KPNA6: variants seen among roughly 807,000 people sequenced by gnomAD.
The protein encoded by KPNA6 is importin subunit alpha-7.
Under a neutral mutation model 72.0 loss-of-function variants are expected in KPNA6, and 9 were observed. The observed-to-expected ratio is 0.13, with a 90% confidence interval of 0.08 to 0.22. KPNA6 has a LOEUF of 0.22. Among genes scored for constraint, KPNA6 ranks in the 10% least tolerant of loss-of-function variants. The probability of loss-of-function intolerance (pLI) is 1.00; values close to 1 mark genes in which losing one functional copy is unlikely to be tolerated. For synonymous variants in KPNA6, 219 were observed against 242.1 expected (o/e 0.90, Z 0.89); for missense variants, 374 against 655.7 (o/e 0.57, Z 4.69).
intron 1 of KPNA6, among the ~76,000 whole-genome samples, chr1:32,150,306 T>A (rs1231360524): frequency 6.6e-6 from 1 of 151,804 alleles, no homozygotes; most frequent in East Asian, 1.9e-4. Flanking sequence ...CTAATTTTTA[T>A]ATTTTTAGTA....
chr1:32,124,754 G>T (rs1347308156), intron 1 of KPNA6, among the ~76,000 whole-genome samples: 2 of 151,334 alleles, frequency 1.3e-5, no homozygotes, highest in Non-Finnish European at 2.9e-5. Context: ...CAATCCTTCC[G>T]CCTTGGCCTC....
At chr1:32,141,211 A>G (rs572892393) in intron 1 of KPNA6, among the ~76,000 whole-genome samples, 1 of 151,974 alleles carries the variant, frequency 6.6e-6, no homozygotes, top group Non-Finnish European at 1.5e-5. Context: ...GGGAGGCTCA[A>G]CAGTCAATTG....
intron 1 of KPNA6, among the ~76,000 whole-genome samples, chr1:32,113,909 T>C (rs1641282603): frequency 6.6e-6 from 1 of 152,240 alleles, no homozygotes; most frequent in South Asian, 2.1e-4. Context: ...TTTTCACTTC[T>C]AGTTATCTTG....
intron 1 of KPNA6, among the ~76,000 whole-genome samples, chr1:32,139,996 A>C (rs1641809735): frequency 6.6e-6 from 1 of 152,222 alleles, no homozygotes; most frequent in African/African-American, 2.4e-5. Context: ...AAAAACCCAG[A>C]TATAAAGGAT....
At chr1:32,108,404 C>G (rs1569975392) in intron 1 of KPNA6, among the ~76,000 whole-genome samples, 1 of 152,222 alleles carries the variant, frequency 6.6e-6, no homozygotes, top group Non-Finnish European at 1.5e-5. Flanking sequence ...CCCACGTGTT[C>G]CTGGGAGGTA....
intron 8 of KPNA6, 56 bp from the exon 9 acceptor site, chr1:32,162,305 A>T: frequency 6.7e-7 from 1 of 1,492,026 alleles, no homozygotes; most frequent in Non-Finnish European, 9.0e-7. Context: ...AGGGTTCGTG[A>T]TAGAGCTGAT....
chr1:32,170,535 G>A (rs1349921394), intron 13 of KPNA6, among the ~76,000 whole-genome samples, 172 bp from the exon 14 acceptor site: 1 of 152,138 alleles, frequency 6.6e-6, no homozygotes, highest in Admixed American at 6.6e-5. Flanking sequence ...TTGGGATTCT[G>A]TAGTTTTGAG....
Position 32,170,771 on chromosome 1 carries a change from C to T in KPNA6, c.1488C>T (p.Asp496=). 6.2e-7 allele frequency: 1 copy of T among 1,614,234 alleles called. No individual in the cohort carries two copies. Among genetic ancestry groups the T allele is most frequent in the Non-Finnish European group, 8.5e-7 (1 of 1,180,032 alleles). The change falls in exon 14 of 14, where the codon GAC becomes GAT. Residue 496 remains aspartate (D), a synonymous_variant. Coordinates refer to ENST00000373625, the MANE Select transcript of KPNA6 (RefSeq NM_012316.5). The stretch of plus-strand genomic sequence containing the variant: ...AGGAGATCTACCAGAAGGCCTTCGA[C>T]CTCATTGAGCACTACTTTGGTGTAG... ...ENQEIYQKAF[D]LIEHYFGVED...
At position 32,135,357 on chromosome 1, in the gene KPNA6, G is replaced by A. The variant is rs377264659; in HGVS notation, c.5-19231G>A. Among the ~76,000 whole-genome samples, 144 of 151,494 alleles carry A rather than the reference G, an allele frequency of 9.5e-4. 1 individual carries two copies. Among genetic ancestry groups the A allele is most frequent in the African/African-American group, 2.9e-3 (119 of 41,308 alleles). Reference sequence around the variant, plus strand: ...TCTGGGATTACATGTGTGAGCCACCGCGCCTGGCCAATTTATTTTTAGTAG... The same window carrying A: ...TCTGGGATTACATGTGTGAGCCACCACGCCTGGCCAATTTATTTTTAGTAG... On this transcript the variant is annotated intron_variant, in intron 1 of 13. Transcript: ENST00000373625.
rs569038637 is a variant in KPNA6, at chr1:32,122,911, C to A, written c.4+14777C>A. On this transcript the variant is annotated intron_variant, in intron 1 of 13. Coordinates refer to ENST00000373625, the MANE Select transcript of KPNA6 (RefSeq NM_012316.5). ...GGCAGAGGTTGCAGTGAGCCGAGATCGTGCCATTGCACTCCAGCCTGGGCA... is the reference window on the plus strand; with the variant it reads ...GGCAGAGGTTGCAGTGAGCCGAGATAGTGCCATTGCACTCCAGCCTGGGCA... Among the ~76,000 whole-genome samples, 195 of 147,822 alleles carry A rather than the reference C, an allele frequency of 1.3e-3. 2 individuals are homozygous for A. Among genetic ancestry groups the A allele is most frequent in the East Asian group, 1.2e-3 (6 of 5,046 alleles).
At chr1:32,121,641 A>C (rs573239818) in intron 1 of KPNA6, among the ~76,000 whole-genome samples, 1 of 152,292 alleles carries the variant, frequency 6.6e-6, no homozygotes, top group East Asian at 1.9e-4. Context: ...CATCAGTCAG[A>C]ATTAAAAGAA....
intron 1 of KPNA6, among the ~76,000 whole-genome samples, chr1:32,150,916 C>T (rs371036331): frequency 2.0e-5 from 3 of 151,910 alleles, no homozygotes; most frequent in Non-Finnish European, 4.4e-5. Context: ...TGAGCCACCA[C>T]GCCCCGGCTG....
intron 12 of KPNA6, among the ~76,000 whole-genome samples, chr1:32,167,803 G>A (rs1642365862): frequency 1.3e-5 from 2 of 150,634 alleles, no homozygotes; most frequent in South Asian, 2.1e-4. Context: ...GCAGTGAGCT[G>A]TGATTGTACC....
intron 12 of KPNA6, among the ~76,000 whole-genome samples, chr1:32,167,671 C>T (rs1403835102): frequency 1.3e-5 from 2 of 152,092 alleles, no homozygotes; most frequent in Non-Finnish European, 2.9e-5. Context: ...ACAGTTTCTT[C>T]AGCCTGACCA....
chr1:32,149,906 A>C (rs1020171650), intron 1 of KPNA6, among the ~76,000 whole-genome samples: 3 of 152,084 alleles, frequency 2.0e-5, no homozygotes, highest in Admixed American at 1.3e-4. Context: ...GAACATTAAA[A>C]ATGTTTTGTT....
intron 1 of KPNA6, among the ~76,000 whole-genome samples, chr1:32,123,913 A>T (rs1376200011): frequency 2.0e-5 from 3 of 151,268 alleles, no homozygotes; most frequent in African/African-American, 7.3e-5. Flanking sequence ...GTGCACCAGT[A>T]GTCCCAGCTA....
intron 4 of KPNA6, 78 bp downstream of exon 4, chr1:32,157,523 C>A: frequency 9.9e-7 from 1 of 1,005,608 alleles, no homozygotes; most frequent in Non-Finnish European, 1.5e-6. Flanking sequence ...TCAACTTACA[C>A]GTGCCCTCAC....
rs71006334 is a variant in KPNA6, at chr1:32,141,375, C to CTTTTTT, written c.5-13178_5-13173dup. Among the ~76,000 whole-genome samples, 121 of 54,452 alleles carry CTTTTTT rather than the reference C, an allele frequency of 2.2e-3. 39 individuals are homozygous for CTTTTTT. Among genetic ancestry groups the CTTTTTT allele is most frequent in the Non-Finnish European group, 3.3e-3 (82 of 25,154 alleles). 35.7% of individuals were successfully genotyped at this position (54,452 alleles called of 152,430 possible). A position where few individuals can be genotyped will look rare whatever the true frequency, so the allele number is the denominator to read the frequency against. ...AGGGCTTTTTTTTTTTAAGTTAATCCTTTTTTTTTTTTTTTTTTTTTTTTT... is the reference window on the plus strand; with the variant it reads ...AGGGCTTTTTTTTTTTAAGTTAATCCTTTTTTTTTTTTTTTTTTTTTTTTTTTTTTT... On this transcript the variant is annotated intron_variant, in intron 1 of 13. Transcript: ENST00000373625.
rs189757200 is a variant in KPNA6, at chr1:32,113,816, C to T, written c.4+5682C>T. On this transcript the variant is annotated intron_variant, in intron 1 of 13. Coordinates refer to ENST00000373625, the MANE Select transcript of KPNA6 (RefSeq NM_012316.5). ...TCAAGAAACCATTTGTTTGCCCACCCGTAAGAATAGCTGCTCATCCATTCA... is the reference window on the plus strand; with the variant it reads ...TCAAGAAACCATTTGTTTGCCCACCTGTAAGAATAGCTGCTCATCCATTCA... 1.6e-4 allele frequency among the ~76,000 whole-genome samples: 25 copies of T among 152,266 alleles called. No homozygotes were observed. In the East Asian group the frequency reaches 4.1e-3, roughly 25 times the overall value.
Sources: gnomAD v4.1 joint callset for allele counts (sites outside exome capture counted in the v4.1 genomes callset) on GRCh38, gnomAD v4.1.1 for gene constraint, MANE v1.5 for transcripts, NCBI Gene and HGNC (gene_info 2026-07-23, HGNC 2026-07-21) for gene names.